EVI5: variants seen among roughly 807,000 people sequenced by gnomAD.
EVI5 encodes ecotropic viral integration site 5, also known as ecotropic viral integration site 5 protein homolog.
In EVI5, 73 loss-of-function variants were observed where a neutral mutation model predicts 112.0. That is an observed-to-expected ratio of 0.65 (90% CI 0.54 to 0.79). EVI5 has a LOEUF of 0.79. EVI5 is among the 30% of genes least tolerant of loss of function. The probability of loss-of-function intolerance (pLI) is 0.00; values close to 1 mark genes in which losing one functional copy is unlikely to be tolerated. For synonymous variants in EVI5, 305 were observed against 319.9 expected, an observed-to-expected ratio of 0.95 and a Z score of 0.50; for missense variants, 900 against 968.8, an observed-to-expected ratio of 0.93 and a Z score of 0.94.
Position 92,736,449 on chromosome 1 carries a change from T to C in EVI5, c.98A>G (p.Gln33Arg). Residue 33 changes from glutamine to arginine, a missense_variant, in exon 2 of 20, where the codon CAG becomes CGG. Coordinates refer to ENST00000684568, the MANE Select transcript of EVI5 (RefSeq NM_001350197.2). ...TPALSPSSPS[Q>R]LSPDDLELLA... is the part of the protein sequence containing the mutation. ...GAGTTCTAAGTCGTCTGGACTCAAC[T>C]GTGATGGGGAAGATGGTGAAAGGGC... The C allele has an allele frequency of 6.2e-7, 1 of 1,613,936 alleles. No homozygotes were observed. The highest frequency in any genetic ancestry group is 8.5e-7 in the Non-Finnish European group (1 of 1,179,902).
intron 18 of EVI5, among the ~76,000 whole-genome samples, chr1:92,591,380 A>T (rs913284385): frequency 2.6e-5 from 4 of 152,188 alleles, no homozygotes; most frequent in African/African-American, 9.6e-5. Flanking sequence ...TCAAGTGCAG[A>T]GACACACATA....
intron 18 of EVI5, among the ~76,000 whole-genome samples, chr1:92,592,745 C>A (rs897383249): frequency 6.6e-6 from 1 of 152,204 alleles, no homozygotes; most frequent in Non-Finnish European, 1.5e-5. Flanking sequence ...GATATCACCA[C>A]CGATCCCACA....
intron 19 of EVI5, among the ~76,000 whole-genome samples, chr1:92,535,651 C>G (rs1032294228): frequency 4.0e-5 from 6 of 151,876 alleles, no homozygotes; most frequent in Non-Finnish European, 8.8e-5. Context: ...AGCAAACTAA[C>G]AGAAAAACAG....
At chr1:92,735,886 C>T (rs1038023001) in intron 2 of EVI5, among the ~76,000 whole-genome samples, 2 of 141,812 alleles carry the variant, frequency 1.4e-5, no homozygotes, top group East Asian at 2.0e-4. Flanking sequence ...GAGATGATGC[C>T]CTAAAGAGCC....
At chr1:92,665,906 A>T in intron 11 of EVI5, 33 bp downstream of exon 11, 1 of 1,472,816 alleles carries the variant, frequency 6.8e-7, no homozygotes, top group African/African-American at 1.4e-5. Flanking sequence ...CCAGGCATTC[A>T]ACAGAAGCTT....
At chr1:92,687,180 A>G (rs1488404175) in intron 9 of EVI5, among the ~76,000 whole-genome samples, 1 of 152,226 alleles carries the variant, frequency 6.6e-6, no homozygotes, top group Admixed American at 6.5e-5. Context: ...TGGTACTGGT[A>G]CCAAAACAGA....
Position 92,753,457 on chromosome 1 carries a change from TA to T in EVI5, c.-81-16831del, listed in dbSNP as rs563252329. 5.9e-5 allele frequency among the ~76,000 whole-genome samples: 9 copies of T among 152,294 alleles called. No homozygotes were observed. The East Asian group carries it at 1.7e-3, about 29-fold the overall frequency. ...CTATATTCTAAAAAGTAAAAACAAGTAAAACAAATGAAATTATATTTTTTAA... is the reference window on the plus strand; with the variant it reads ...CTATATTCTAAAAAGTAAAAACAAGTAAACAAATGAAATTATATTTTTTAA... On this transcript the variant is annotated intron_variant, in intron 1 of 19. Transcript: ENST00000684568.
At chr1:92,592,735 G>A (rs1021511970) in intron 18 of EVI5, among the ~76,000 whole-genome samples, 1 of 152,076 alleles carries the variant, frequency 6.6e-6, no homozygotes, top group Non-Finnish European at 1.5e-5. Flanking sequence ...TGATAAAGGG[G>A]ATATCACCAC....
intron 1 of EVI5, among the ~76,000 whole-genome samples, chr1:92,773,488 A>G (rs1040380305): frequency 6.6e-6 from 1 of 151,712 alleles, no homozygotes; most frequent in Non-Finnish European, 1.5e-5. Context: ...AAGACCCCCA[A>G]AAATTAGCCA....
chr1:92,663,378 GAGA>G (rs1230315799), intron 12 of EVI5, 39 bp downstream of exon 12: 10 of 1,023,280 alleles, frequency 9.8e-6, no homozygotes, highest in Non-Finnish European at 1.4e-5. Context: ...TTAGAAGTTA[GAGA>G]AGATGTTTTA....
At chr1:92,651,565 T>C (rs1464274443) in intron 13 of EVI5, among the ~76,000 whole-genome samples, 2 of 152,074 alleles carry the variant, frequency 1.3e-5, no homozygotes, top group African/African-American at 2.4e-5. Context: ...TATTAAGAAA[T>C]TGGGGGCCGG....
chr1:92,661,813 G>A (rs958023723), intron 13 of EVI5, among the ~76,000 whole-genome samples: 3 of 151,936 alleles, frequency 2.0e-5, no homozygotes, highest in Non-Finnish European at 4.4e-5. Flanking sequence ...TAAAAAGAAC[G>A]TCCTACTTTG....
At chr1:92,662,350 C>T (rs1475503164) in intron 13 of EVI5, among the ~76,000 whole-genome samples, 1 of 152,162 alleles carries the variant, frequency 6.6e-6, no homozygotes, top group East Asian at 1.9e-4. Flanking sequence ...TGAACAAAAA[C>T]TAGCTGAAGT....
At chr1:92,746,909 A>G (rs201728876) in intron 1 of EVI5, among the ~76,000 whole-genome samples, 2 of 94,652 alleles carry the variant, frequency 2.1e-5, no homozygotes, top group South Asian at 7.4e-4. Context: ...AAAAAAAAAA[A>G]GTTTTTTTAA....
At chr1:92,653,357 G>GAAACC (rs1662467082) in intron 13 of EVI5, among the ~76,000 whole-genome samples, 1 of 152,222 alleles carries the variant, frequency 6.6e-6, no homozygotes, top group Admixed American at 6.5e-5. Flanking sequence ...TGGGACAAAG[G>GAAACC]AAACCAGAAC....
intron 14 of EVI5, among the ~76,000 whole-genome samples, chr1:92,633,447 G>T (rs879205187): frequency 6.6e-6 from 1 of 152,012 alleles, no homozygotes; most frequent in African/African-American, 2.4e-5. Flanking sequence ...TGTCTCTTTT[G>T]ATCTTTGTTG....
chr1:92,523,469 A>G (rs1458990617), intron 19 of EVI5, among the ~76,000 whole-genome samples: 4 of 152,118 alleles, frequency 2.6e-5, no homozygotes, highest in Non-Finnish European at 5.9e-5. Flanking sequence ...ACATAATCAA[A>G]TTCAGTCCTT....
At chr1:92,558,598 C>G (rs929811913) in intron 19 of EVI5, among the ~76,000 whole-genome samples, 5 of 152,162 alleles carry the variant, frequency 3.3e-5, no homozygotes, top group African/African-American at 1.2e-4. Context: ...CTTATCTGGA[C>G]CATTGTAACA....
At chr1:92,713,977 C>T in intron 2 of EVI5, 1 of 951,764 alleles carries the variant, frequency 1.1e-6, no homozygotes, top group Non-Finnish European at 1.3e-6. Flanking sequence ...AAATGCAATC[C>T]TATTATACTT....
Sources: allele counts gnomAD v4.1 joint callset (sites outside exome capture counted in the v4.1 genomes callset), GRCh38; gene constraint gnomAD v4.1.1; transcripts MANE v1.5; gene names NCBI Gene and HGNC (gene_info 2026-07-23, HGNC 2026-07-21).